The following SLF2 variants were observed in gnomAD, a reference collection of about 807,000 sequenced individuals.
SLF2 encodes SMC5/6 complex localization factor 2, also known as SMC5-SMC6 complex localization factor protein 2.
In SLF2, 68 loss-of-function variants were observed where a neutral mutation model predicts 124.3. That is an observed-to-expected ratio of 0.55 (90% CI 0.45 to 0.67). The LOEUF is 0.67. Ranked by LOEUF, SLF2 falls within the 30% of genes least tolerant of loss-of-function variation. SLF2 has a pLI of 0.00. For synonymous variants in SLF2, 480 were observed against 478.8 expected, an observed-to-expected ratio of 1.00 and a Z score of -0.03; for missense variants, 1,246 against 1,373.7, an observed-to-expected ratio of 0.91 and a Z score of 1.47.
Position 100,924,660 on chromosome 10 carries a change from A to AAAG in SLF2, c.1660_1662dup (p.Lys554dup). 1 of 1,614,114 alleles carries AAAG rather than the reference A, an allele frequency of 6.2e-7. No homozygotes were observed. Among genetic ancestry groups the AAAG allele is most frequent in the Non-Finnish European group, 8.5e-7 (1 of 1,180,024 alleles). On this transcript the variant is annotated inframe_insertion, in exon 5 of 20. Coordinates refer to ENST00000238961, the MANE Select transcript of SLF2 (RefSeq NM_018121.4). The stretch of plus-strand genomic sequence containing the variant: ...TGCGCTCAGAATATGGCACTCCTAC[A>AAAG]AAGTCTCCCCCTGCTGCTTTGGAAG...
chr10:100,956,132 G>A (rs931681127), intron 17 of SLF2, among the ~76,000 whole-genome samples: 1 of 151,556 alleles, frequency 6.6e-6, no homozygotes, highest in African/African-American at 2.4e-5. Context: ...TTTTGTTAGC[G>A]AGTATGTTAA....
chr10:100,919,658 A>C (rs1409388648), intron 4 of SLF2, among the ~76,000 whole-genome samples: 1 of 152,246 alleles, frequency 6.6e-6, no homozygotes, highest in African/African-American at 2.4e-5. Flanking sequence ...TTAATAGTCT[A>C]GTGTATCCGA....
chr10:100,923,528 A>G (rs1347121932), intron 4 of SLF2, among the ~76,000 whole-genome samples: 1 of 150,468 alleles, frequency 6.6e-6, no homozygotes, highest in Non-Finnish European at 1.5e-5. Flanking sequence ...TTTTTTTTTT[A>G]ATGAGAAATT....
At chr10:100,945,603 C>G (rs1850090167) in intron 13 of SLF2, 97 bp downstream of exon 13, 1 of 934,620 alleles carries the variant, frequency 1.1e-6, no homozygotes. Flanking sequence ...AACTCAAGAT[C>G]TTTGGCGGAT....
chr10:100,930,046 C>G, intron 8 of SLF2, 49 bp downstream of exon 8: 3 of 1,236,104 alleles, frequency 2.4e-6, no homozygotes, highest in Non-Finnish European at 3.3e-6. Context: ...AAAAATTACT[C>G]TAAAACACTT....
chr10:100,925,919 G>A (rs1346336877), intron 5 of SLF2, 30 bp from the exon 6 acceptor site: 1 of 1,546,060 alleles, frequency 6.5e-7, no homozygotes, highest in Non-Finnish European at 8.7e-7. Context: ...AAGACATGTG[G>A]TAAAGTATTT....
intron 17 of SLF2, 68 bp downstream of exon 17, chr10:100,950,821 A>C (rs780553216): frequency 9.1e-5 from 112 of 1,229,682 alleles, no homozygotes; most frequent in Admixed American, 3.6e-5. Context: ...ATGAGTGAGC[A>C]TGCTTTATAT....
Position 100,925,973 on chromosome 10 carries a change from A to C in SLF2, c.1996A>C (p.Thr666Pro). The change falls in exon 6 of 20, where the codon ACA becomes CCA. Residue 666 changes from threonine to proline, a missense_variant. Coordinates refer to ENST00000238961, the MANE Select transcript of SLF2 (RefSeq NM_018121.4). The part of the protein sequence containing the change: ...YTGHVHPGTY[T>P]NTLERLVKEM... ...GGGACATGTTCATCCTGGAACTTAC[A>C]CAAATACCTTAGAACGTCTAGTGAA... 1.9e-6 allele frequency: 3 copies of C among 1,607,498 alleles called. No individual in the cohort carries two copies. The highest frequency in any genetic ancestry group is 2.5e-6 in the Non-Finnish European group (3 of 1,176,478).
Position 100,913,047 on chromosome 10 carries a change from G to A in SLF2, c.-64G>A. On this transcript the variant is annotated 5_prime_UTR_variant, in exon 1 of 20. Transcript: ENST00000238961. ...CAGCCTCCCGGAGTCCCAGCAGCAAGACGGCAACCACGCACCCAACTTCTC... is the reference window on the plus strand; with the variant it reads ...CAGCCTCCCGGAGTCCCAGCAGCAAAACGGCAACCACGCACCCAACTTCTC... 2 of 1,574,384 alleles carry A rather than the reference G, an allele frequency of 1.3e-6. No homozygotes were observed. Among genetic ancestry groups the A allele is most frequent in the Middle Eastern group, 1.7e-4 (1 of 5,922 alleles).
Position 100,924,036 on chromosome 10 carries a change from G to A in SLF2, c.1035G>A (p.Leu345=). 2 of 1,597,892 alleles carry A rather than the reference G, an allele frequency of 1.3e-6. No individual in the cohort carries two copies. Among genetic ancestry groups the A allele is most frequent in the Non-Finnish European group, 1.7e-6 (2 of 1,175,272 alleles). Residue 345 remains leucine (L), a synonymous_variant, in exon 5 of 20, where the codon CTG becomes CTA. Coordinates refer to ENST00000238961, the MANE Select transcript of SLF2 (RefSeq NM_018121.4). The part of the protein sequence containing the change: ...KRKRNSVDSD[L]KSTRESMIPK... ...AAAGGAACTCTGTGGACTCAGATCT[G>A]AAAAGCACAAGAGAATCTATGATAC...
rs758003475 is a variant in SLF2 at position 100,913,201 on chromosome 10, A to G, written c.91A>G (p.Ser31Gly). ...SPPRCHLRPG[S>G]TAHAAAGKRT... The stretch of plus-strand genomic sequence containing the variant: ...CCCGCGCTGCCATCTGAGACCCGGT[A>G]GTACCGCCCATGCTGCAGCGGGAAA... Residue 31 changes from serine to glycine, a missense_variant, in exon 1 of 20, where the codon AGT (serine) becomes GGT (glycine). Coordinates refer to ENST00000238961, the MANE Select transcript of SLF2 (RefSeq NM_018121.4). 2.3e-5 allele frequency: 37 copies of G among 1,612,588 alleles called. No individual in the cohort carries two copies. The highest frequency in any genetic ancestry group is 3.3e-5 in the Admixed American group (2 of 59,880).
At chr10:100,920,249 G>T (rs535405572) in intron 4 of SLF2, among the ~76,000 whole-genome samples, 1 of 152,218 alleles carries the variant, frequency 6.6e-6, no homozygotes, top group South Asian at 2.1e-4. Context: ...TTTATATAAG[G>T]GGCTGCTGCT....
In SLF2 at chr10:100,955,713, G is replaced by A. The variant is rs141168675; in HGVS notation, c.3331-738G>A. 6.2e-4 allele frequency among the ~76,000 whole-genome samples: 95 copies of A among 152,196 alleles called. 1 individual carries two copies. In the East Asian group the frequency reaches 0.018, roughly 28 times the overall value. ...ACCTGAGGTTAGGAGTTTGAGACTA[G>A]CCTGGCCAACGTGGCAAAACCTGTC... On this transcript the variant is annotated intron_variant, in intron 17 of 19. Coordinates refer to ENST00000238961, the MANE Select transcript of SLF2 (RefSeq NM_018121.4).
At chr10:100,938,413 T>C (rs899124351) in intron 10 of SLF2, among the ~76,000 whole-genome samples, 182 bp from the exon 11 acceptor site, 3 of 152,230 alleles carry the variant, frequency 2.0e-5, no homozygotes, top group Non-Finnish European at 4.4e-5. Context: ...CATTTTCTTA[T>C]TTTATTTGGG....
At chr10:100,949,383 C>G (rs1184057565) in intron 15 of SLF2, among the ~76,000 whole-genome samples, 1 of 152,186 alleles carries the variant, frequency 6.6e-6, no homozygotes, top group East Asian at 1.9e-4. Flanking sequence ...CTCAAACTCA[C>G]TAACTGATAT....
intron 11 of SLF2, among the ~76,000 whole-genome samples, chr10:100,940,367 T>C (rs1328669354): frequency 6.6e-6 from 1 of 152,134 alleles, no homozygotes; most frequent in Non-Finnish European, 1.5e-5. Flanking sequence ...TGTGTGTGTG[T>C]GTGTTTGTTT....
In SLF2 at chr10:100,962,126, C is replaced by T. The variant is rs971936608; in HGVS notation, c.*214C>T. The stretch of plus-strand genomic sequence containing the variant: ...CTGCTTAATTGTTAAGGCAACTGAC[C>T]TTTCAAAAGTGCAGAGTCTTATTAA... On this transcript the variant is annotated 3_prime_UTR_variant, in exon 20 of 20. Transcript: ENST00000238961. 2.3e-6 allele frequency: 1 copy of T among 428,998 alleles called. No individual in the cohort carries two copies. Among genetic ancestry groups the T allele is most frequent in the Non-Finnish European group, 4.1e-6 (1 of 241,680 alleles). 26.6% of individuals were successfully genotyped at this position (428,998 alleles called of 1,614,324 possible). A position where few individuals can be genotyped will look rare whatever the true frequency, so the allele number is the denominator to read the frequency against.
chr10:100,954,337 A>G (rs186083391), intron 17 of SLF2, among the ~76,000 whole-genome samples: 2 of 152,266 alleles, frequency 1.3e-5, no homozygotes, highest in East Asian at 3.9e-4. Flanking sequence ...GATAAACAGT[A>G]TGTTTTTTGT....
intron 11 of SLF2, chr10:100,943,734 C>G (rs1190997795): frequency 3.9e-6 from 1 of 253,486 alleles, no homozygotes; most frequent in Non-Finnish European, 7.5e-6. Flanking sequence ...CAAGAGAAAA[C>G]TGATGCATAA....
Sources: gnomAD v4.1 joint callset for allele counts (sites outside exome capture counted in the v4.1 genomes callset) on GRCh38, gnomAD v4.1.1 for gene constraint, MANE v1.5 for transcripts, NCBI Gene and HGNC (gene_info 2026-07-23, HGNC 2026-07-21) for gene names.